ARAP2: variants seen among roughly 807,000 people sequenced by gnomAD.
ARAP2 encodes the protein ArfGAP with RhoGAP domain, ankyrin repeat and PH domain 2, also known as arf-GAP with Rho-GAP domain, ANK repeat and PH domain-containing protein 2.
ARAP2 carries 148 observed loss-of-function variants against 194.5 expected under a neutral mutation model. That is an observed-to-expected ratio of 0.76 (90% confidence interval 0.67 to 0.87). The LOEUF is 0.87. ARAP2 is among the 40% of genes least tolerant of loss of function. The probability of loss-of-function intolerance (pLI) is 0.00; values close to 1 mark genes in which losing one functional copy is unlikely to be tolerated. For missense variants in ARAP2, 2,128 were observed against 1,989.7 expected (o/e 1.07, Z -1.32); for synonymous variants, 695 against 683.5 (o/e 1.02, Z -0.26).
intron 2 of ARAP2, among the ~76,000 whole-genome samples, chr4:36,222,712 C>T (rs961026125): frequency 6.6e-6 from 1 of 150,766 alleles, no homozygotes; most frequent in African/African-American, 2.5e-5. Flanking sequence ...AGTCTGGGTC[C>T]ACTATGGCAA....
At chr4:36,068,880 T>C (rs1726141661) in intron 32 of ARAP2, among the ~76,000 whole-genome samples, 1 of 152,242 alleles carries the variant, frequency 6.6e-6, no homozygotes, top group Non-Finnish European at 1.5e-5. Context: ...GGAACATCTG[T>C]AAAATGCAAT....
chr4:36,065,344 T>C, downstream of ARAP2: 2 of 516,254 alleles, frequency 3.9e-6, no homozygotes, highest in Non-Finnish European at 7.9e-6. Context: ...CTGTAGTGGA[T>C]CTCAAAGTAG....
rs1208733666 is a variant in ARAP2 at position 36,091,996 on chromosome 4, T to C, written c.4310A>G (p.Lys1437Arg). 1.2e-6 allele frequency: 2 copies of C among 1,603,336 alleles called. No individual in the cohort carries two copies. Among genetic ancestry groups the C allele is most frequent in the Non-Finnish European group, 1.7e-6 (2 of 1,171,976 alleles). The change falls in exon 28 of 33, where the codon AAA (lysine) becomes AGA (arginine). Residue 1437 changes from lysine to arginine, a missense_variant. Coordinates refer to ENST00000303965, the MANE Select transcript of ARAP2 (RefSeq NM_015230.4). ...TTCTTTGATTTTCAAGATTCCTTCTTTGATGCTTCCCAGTGTACTCCGGTC... is the reference window on the plus strand; with the variant it reads ...TTCTTTGATTTTCAAGATTCCTTCTCTGATGCTTCCCAGTGTACTCCGGTC... ...CSDRSTLGSI[K>R]EGILKIKEEP...
chr4:36,090,488 C>A (rs760750452), intron 28 of ARAP2, among the ~76,000 whole-genome samples: 49 of 152,036 alleles, frequency 3.2e-4, no homozygotes, highest in Non-Finnish European at 5.4e-4. Flanking sequence ...GATGAAACAT[C>A]AGTGCAAAAA....
Position 36,193,656 on chromosome 4 carries a change from C to T in ARAP2, c.1488-9G>A. On this transcript the variant is annotated splice_polypyrimidine_tract_variant and intron_variant, in intron 6 of 32. Coordinates refer to ENST00000303965, the MANE Select transcript of ARAP2 (RefSeq NM_015230.4). ...TTTGAAACATGCGTTTTCTGCAAAACATATGAAATTGTTATTTTACATTCA... is the reference window on the plus strand; with the variant it reads ...TTTGAAACATGCGTTTTCTGCAAAATATATGAAATTGTTATTTTACATTCA... 1 of 1,594,480 alleles carries T rather than the reference C, an allele frequency of 6.3e-7. No homozygotes were observed. Among genetic ancestry groups the T allele is most frequent in the South Asian group, 1.2e-5 (1 of 86,432 alleles).
intron 6 of ARAP2, among the ~76,000 whole-genome samples, chr4:36,195,700 A>G (rs949324264): frequency 2.0e-5 from 3 of 152,224 alleles, no homozygotes; most frequent in African/African-American, 7.2e-5. Context: ...TCTTTCAGTT[A>G]CATCTAAACC....
At chr4:36,123,396 A>G (rs750813762) in intron 22 of ARAP2, among the ~76,000 whole-genome samples, 2 of 151,840 alleles carry the variant, frequency 1.3e-5, no homozygotes, top group African/African-American at 2.4e-5. Context: ...CATTATCTTT[A>G]AGGACATTCC....
At chr4:36,033,441 T>C (rs540213946) in intron 5 of ARAP2, among the ~76,000 whole-genome samples, 55 of 152,236 alleles carry the variant, frequency 3.6e-4, no homozygotes, top group African/African-American at 1.2e-3. Flanking sequence ...GACAAGTATG[T>C]CTCCTTTTCT....
intron 9 of ARAP2, among the ~76,000 whole-genome samples, chr4:36,011,894 C>G (rs1714638492): frequency 6.6e-6 from 1 of 152,026 alleles, no homozygotes; most frequent in Non-Finnish European, 1.5e-5. Flanking sequence ...AGTTCCTTAT[C>G]AAGTTAATGG....
chr4:36,072,677 A>AAC (rs397879354), intron 32 of ARAP2, among the ~76,000 whole-genome samples: 29 of 148,114 alleles, frequency 2.0e-4, no homozygotes, highest in Admixed American at 8.1e-4. Flanking sequence ...CAAAAAAAAA[A>AAC]CCCCAAAAAA....
intron 31 of ARAP2, among the ~76,000 whole-genome samples, chr4:36,075,586 C>G (rs1371740116): frequency 6.6e-6 from 1 of 152,050 alleles, no homozygotes; most frequent in African/African-American, 2.4e-5. Context: ...TCCAATCCAC[C>G]ACCACTCTTC....
intron 27 of ARAP2, among the ~76,000 whole-genome samples, chr4:36,103,081 CT>C (rs1012862343): frequency 2.0e-5 from 3 of 150,552 alleles, no homozygotes; most frequent in Admixed American, 6.6e-5. Flanking sequence ...CTGAAATTGT[CT>C]TTTTTTTTAA....
At chr4:36,047,199 T>C (rs1309921289) in intron 3 of ARAP2, 1 of 152,242 alleles carries the variant, frequency 6.6e-6, no homozygotes, top group African/African-American at 2.4e-5. Flanking sequence ...TTTTCAGCTG[T>C]CCTCCTACAG....
At chr4:36,018,434 T>C in intron 6 of ARAP2, among the ~76,000 whole-genome samples, 2 of 102,264 alleles carry the variant, frequency 2.0e-5, no homozygotes, top group East Asian at 2.9e-4. Context: ...GAGAGACAAC[T>C]CACTCAATAT....
At chr4:36,134,325 C>T (rs1726136424) in intron 19 of ARAP2, among the ~76,000 whole-genome samples, 1 of 151,616 alleles carries the variant, frequency 6.6e-6, no homozygotes, top group African/African-American at 2.4e-5. Flanking sequence ...TTCCACGTAC[C>T]CCACGAGAAA....
chr4:36,007,576 G>T (rs966755731), intron 9 of ARAP2, among the ~76,000 whole-genome samples: 1 of 152,196 alleles, frequency 6.6e-6, no homozygotes, highest in African/African-American at 2.4e-5. Context: ...TTCTTACCCC[G>T]CGAAGTATGA....
chr4:36,206,240 G>A (rs927748637), intron 6 of ARAP2, among the ~76,000 whole-genome samples: 1 of 152,206 alleles, frequency 6.6e-6, no homozygotes, highest in Non-Finnish European at 1.5e-5. Flanking sequence ...CCCAGGTCTT[G>A]GGCTATTGGC....
At chr4:36,033,187 C>T (rs1719296006) in intron 5 of ARAP2, among the ~76,000 whole-genome samples, 1 of 152,166 alleles carries the variant, frequency 6.6e-6, no homozygotes, top group South Asian at 2.1e-4. Context: ...TGGGTATATA[C>T]CCAGTAATGG....
chr4:36,161,323 T>TAA lies in ARAP2; in HGVS notation c.2259+140_2259+141dup. ...AGAGTTACTACTATCAAAAAGGCTA[T>TAA]AAGCCACTTCCATAATGTGGTGAGA... is the stretch of plus-strand genomic sequence containing the variant. On this transcript the variant is annotated intron_variant, in intron 12 of 32. Coordinates refer to ENST00000303965, the MANE Select transcript of ARAP2 (RefSeq NM_015230.4). 4 of 626,154 alleles carry TAA rather than the reference T, an allele frequency of 6.4e-6. No individual in the cohort carries two copies. In the South Asian group the frequency reaches 7.7e-5, roughly 12 times the overall value. The allele number at this position is 626,154 out of a possible 1,614,324, so 38.8% of individuals were successfully genotyped here.
Sources: gnomAD v4.1 joint callset for allele counts (sites outside exome capture counted in the v4.1 genomes callset) on GRCh38, gnomAD v4.1.1 for gene constraint, MANE v1.5 for transcripts, NCBI Gene and HGNC (gene_info 2026-07-23, HGNC 2026-07-21) for gene names.